The following ROBO2 variants were observed in gnomAD, a reference collection of about 807,000 sequenced individuals.
ROBO2 encodes the protein roundabout guidance receptor 2, also known as roundabout homolog 2.
Under a neutral mutation model 160.8 loss-of-function variants are expected in ROBO2, and 53 were observed. The observed-to-expected ratio is 0.33, with a 90% CI of 0.26 to 0.41. ROBO2 has a LOEUF of 0.41. Ranked by LOEUF, ROBO2 falls within the 10% of genes least tolerant of loss-of-function variation. The pLI is 1.00. For missense variants in ROBO2, 1,577 were observed against 1,722.4 expected, an observed-to-expected ratio of 0.92 and a Z score of 1.49; for synonymous variants, 664 against 611.7, an observed-to-expected ratio of 1.09 and a Z score of -1.26.
At chr3:76,380,086 G>A (rs368332636) in intron 2 of ROBO2, among the ~76,000 whole-genome samples, 2 of 151,846 alleles carry the variant, frequency 1.3e-5, no homozygotes, top group Non-Finnish European at 2.9e-5. Context: ...TATCTAGGTG[G>A]GCAATACATT....
At chr3:76,220,041 G>A (rs1159128024) in intron 2 of ROBO2, among the ~76,000 whole-genome samples, 2 of 151,938 alleles carry the variant, frequency 1.3e-5, no homozygotes, top group African/African-American at 4.8e-5. Context: ...CATGGATGAA[G>A]CTGGAAACCA....
chr3:77,093,778 A>G (rs1316747956), intron 1 of ROBO2, among the ~76,000 whole-genome samples: 1 of 151,460 alleles, frequency 6.6e-6, no homozygotes, highest in African/African-American at 2.4e-5. Context: ...CTCTCTCTCT[A>G]ATCTATCTAT....
chr3:76,077,249 A>C (rs1331307295), intron 2 of ROBO2, among the ~76,000 whole-genome samples: 1 of 152,188 alleles, frequency 6.6e-6, no homozygotes, highest in African/African-American at 2.4e-5. Flanking sequence ...GAAATCTTAC[A>C]TAAATTTCAT....
chr3:76,055,404 C>T (rs910638931), intron 2 of ROBO2, among the ~76,000 whole-genome samples: 11 of 152,230 alleles, frequency 7.2e-5, no homozygotes, highest in Middle Eastern at 6.8e-3. Flanking sequence ...CTATTCCATG[C>T]GTGATGGCAG....
intron 2 of ROBO2, among the ~76,000 whole-genome samples, chr3:76,088,190 G>A (rs564457828): frequency 1.8e-4 from 27 of 152,152 alleles, no homozygotes; most frequent in African/African-American, 2.4e-4. Flanking sequence ...TCCTTAGTGC[G>A]TATGCACCTA....
chr3:77,042,179 G>T (rs1028412981), intron 1 of ROBO2, among the ~76,000 whole-genome samples: 11 of 152,306 alleles, frequency 7.2e-5, no homozygotes, highest in African/African-American at 2.6e-4. Context: ...GCGTGTGTGT[G>T]CACTGCTTCT....
intron 2 of ROBO2, among the ~76,000 whole-genome samples, chr3:76,902,907 T>A (rs2148884503): frequency 6.6e-6 from 1 of 152,050 alleles, no homozygotes; most frequent in South Asian, 2.1e-4. Context: ...ATAGGCATTC[T>A]CATTGAGCTC....
chr3:76,349,955 A>G (rs1019862626), intron 2 of ROBO2, among the ~76,000 whole-genome samples: 12 of 152,176 alleles, frequency 7.9e-5, no homozygotes, highest in Admixed American at 3.3e-4. Context: ...GGCTATGAGC[A>G]AACCTGCCCT....
At chr3:76,663,970 A>C (rs2091925541) in intron 2 of ROBO2, among the ~76,000 whole-genome samples, 1 of 152,056 alleles carries the variant, frequency 6.6e-6, no homozygotes, top group Non-Finnish European at 1.5e-5. Flanking sequence ...TTGATGGGAT[A>C]GTCAGCCTGT....
chr3:76,038,088 T>C (rs922544533), intron 2 of ROBO2, among the ~76,000 whole-genome samples: 1 of 152,076 alleles, frequency 6.6e-6, no homozygotes, highest in Non-Finnish European at 1.5e-5. Context: ...AGAGAAATCA[T>C]TCTAGTTTCT....
intron 2 of ROBO2, among the ~76,000 whole-genome samples, chr3:76,402,646 G>T (rs2077902759): frequency 6.6e-6 from 1 of 151,554 alleles, no homozygotes; most frequent in African/African-American, 2.4e-5. Flanking sequence ...GAGGTTGTAA[G>T]ACTAAGGTGC....
intron 2 of ROBO2, among the ~76,000 whole-genome samples, chr3:76,725,598 TC>T (rs919573126): frequency 6.6e-6 from 1 of 152,214 alleles, no homozygotes; most frequent in Non-Finnish European, 1.5e-5. Flanking sequence ...TCATACATGT[TC>T]CTGAAACTCA....
At chr3:76,360,381 G>A (rs932027245) in intron 2 of ROBO2, among the ~76,000 whole-genome samples, 3 of 151,972 alleles carry the variant, frequency 2.0e-5, no homozygotes, top group African/African-American at 7.2e-5. Flanking sequence ...GTGGCCAAGC[G>A]TGCAGAAATT....
chr3:77,133,496 G>A (rs2150367462), intron 2 of ROBO2, among the ~76,000 whole-genome samples: 1 of 152,238 alleles, frequency 6.6e-6, no homozygotes. Flanking sequence ...TCAAATATTT[G>A]AAATCTACGT....
chr3:77,279,427 G>C (rs2060102513), intron 2 of ROBO2, among the ~76,000 whole-genome samples: 1 of 152,092 alleles, frequency 6.6e-6, no homozygotes, highest in Non-Finnish European at 1.5e-5. Flanking sequence ...ATTAGCATTT[G>C]AAAAAGACAT....
At chr3:77,440,443 T>G (rs1377180286) in intron 2 of ROBO2, among the ~76,000 whole-genome samples, 2 of 152,136 alleles carry the variant, frequency 1.3e-5, no homozygotes, top group East Asian at 3.9e-4. Context: ...GATTTTGCAT[T>G]TATGGTAGTT....
At chr3:77,477,745 A>G (rs943438586) in intron 3 of ROBO2, among the ~76,000 whole-genome samples, 174 bp downstream of exon 3, 5 of 152,014 alleles carry the variant, frequency 3.3e-5, no homozygotes, top group African/African-American at 1.2e-4. Flanking sequence ...AGAGACAAAA[A>G]TTATGTAAAT....
intron 13 of ROBO2, among the ~76,000 whole-genome samples, chr3:77,570,562 A>G (rs2093613104): frequency 6.6e-6 from 1 of 152,044 alleles, no homozygotes; most frequent in Non-Finnish European, 1.5e-5. Flanking sequence ...AGAAGAAAGA[A>G]TTCAGTTAAT....
chr3:76,629,767 A>G (rs1432869443), intron 2 of ROBO2, among the ~76,000 whole-genome samples: 1 of 152,218 alleles, frequency 6.6e-6, no homozygotes, highest in Non-Finnish European at 1.5e-5. Flanking sequence ...ATTTTGAATA[A>G]GTACATCTTT....
Sources: gnomAD v4.1 joint callset for allele counts (sites outside exome capture counted in the v4.1 genomes callset) on GRCh38, gnomAD v4.1.1 for gene constraint, MANE v1.5 for transcripts, NCBI Gene and HGNC (gene_info 2026-07-23, HGNC 2026-07-21) for gene names.